VCAN: variants seen among roughly 807,000 people sequenced by gnomAD.
VCAN encodes the protein versican core protein.
Under a neutral mutation model 245.5 loss-of-function variants are expected in VCAN, and 44 were observed. The observed-to-expected ratio is 0.18, with a 90% confidence interval of 0.14 to 0.23. The LOEUF is 0.23. VCAN is among the 10% of genes least tolerant of loss of function. The pLI is 1.00. For synonymous variants in VCAN, 1,413 were observed against 1,437.0 expected, an observed-to-expected ratio of 0.98 and a Z score of 0.38; for missense variants, 3,793 against 4,057.9, an observed-to-expected ratio of 0.93 and a Z score of 1.77.
chr5:83,493,574 C>A lies in VCAN; in HGVS notation c.474C>A (p.Thr158=). Residue 158 remains threonine (T), a synonymous_variant, in exon 4 of 15, where the codon ACC becomes ACA. Coordinates refer to ENST00000265077, the MANE Select transcript of VCAN (RefSeq NM_004385.5). ...DGVVFHYRAA[T]SRYTLNFEAA... Reference sequence around the variant, plus strand: ...TTGTGTTTCACTACAGGGCGGCAACCAGCAGGTACACACTGAATTTTGAGG... The same window carrying A: ...TTGTGTTTCACTACAGGGCGGCAACAAGCAGGTACACACTGAATTTTGAGG... 6.2e-7 allele frequency: 1 copy of A among 1,613,640 alleles called. No individual in the cohort carries two copies. Among genetic ancestry groups the A allele is most frequent in the African/African-American group, 1.3e-5 (1 of 74,992 alleles).
rs753892240 is a variant in VCAN at position 83,538,622 on chromosome 5, T to A, written c.5619T>A (p.His1873Gln). The A allele has an allele frequency of 1.2e-6, 2 of 1,614,090 alleles. No individual in the cohort carries two copies. Among genetic ancestry groups the A allele is most frequent in the Middle Eastern group, 3.3e-4 (2 of 6,060 alleles). Reference sequence around the variant, plus strand: ...AAGTAGCTGGCACTTTGTCTCCGCATGTGGAAACTACATTCTCCACTGAGC... The same window carrying A: ...AAGTAGCTGGCACTTTGTCTCCGCAAGTGGAAACTACATTCTCCACTGAGC... ...EKEVAGTLSP[H>Q]VETTFSTEPT... Residue 1873 changes from histidine (H) to glutamine (Q), a missense_variant, in exon 8 of 15, where the codon CAT becomes CAA. Around this residue, in one of 5 missense-constraint regions of VCAN, gnomAD observed 3,182 missense variants for 3,250.3 expected, o/e 0.98. Transcript: ENST00000265077.
rs766462348 is a variant in VCAN at position 83,539,283 on chromosome 5, C to G, written c.6280C>G (p.Pro2094Ala). Residue 2094 changes from proline to alanine, a missense_variant, in exon 8 of 15, where the codon CCA (proline) becomes GCA (alanine). Physicochemically the swap from Pro to Ala is conservative, Grantham distance 27 (BLOSUM62 -1). Transcript: ENST00000265077. ...VSTNFPQTIE[P>A]AKLWSRQEVN... is the part of the protein sequence containing the mutation. The stretch of plus-strand genomic sequence containing the variant: ...AACAAACTTTCCCCAAACTATAGAG[C>G]CAGCCAAATTATGGTCTAGGCAAGA... 6 of 1,613,892 alleles carry G rather than the reference C, an allele frequency of 3.7e-6. No individual in the cohort carries two copies. The highest frequency in any genetic ancestry group is 8.5e-7 in the Non-Finnish European group (1 of 1,179,966).
chr5:83,481,151 A>G (rs141565658), intron 1 of VCAN, among the ~76,000 whole-genome samples: 1 of 152,120 alleles, frequency 6.6e-6, no homozygotes, highest in African/African-American at 2.4e-5. Context: ...ATTTCCTGGA[A>G]AAAAAGAAAA....
chr5:83,507,650 C>T (rs1423115584), intron 5 of VCAN, among the ~76,000 whole-genome samples: 1 of 152,158 alleles, frequency 6.6e-6, no homozygotes, highest in African/African-American at 2.4e-5. Context: ...GGCTTTGCCT[C>T]TAGGCATTAG....
chr5:83,566,938 T>G (rs1748102204), intron 12 of VCAN, among the ~76,000 whole-genome samples: 1 of 152,230 alleles, frequency 6.6e-6, no homozygotes, highest in Non-Finnish European at 1.5e-5. Context: ...TGGTTCACAA[T>G]GAGTTCTCTA....
At chr5:83,578,159 G>T (rs937389742) in intron 13 of VCAN, among the ~76,000 whole-genome samples, 3 of 152,060 alleles carry the variant, frequency 2.0e-5, no homozygotes, top group Non-Finnish European at 2.9e-5. Context: ...CCATAAAAAG[G>T]AATGAGATCA....
At chr5:83,500,617 G>A (rs956438856) in intron 5 of VCAN, among the ~76,000 whole-genome samples, 1 of 152,072 alleles carries the variant, frequency 6.6e-6, no homozygotes, top group Non-Finnish European at 1.5e-5. Flanking sequence ...GAAAACTGAG[G>A]CACAGACAGG....
rs752716794 is a variant in VCAN, at chr5:83,580,340, A to G, written c.10097A>G (p.Tyr3366Cys). The change falls in exon 15 of 15, where the codon TAC becomes TGC. Residue 3366 changes from tyrosine to cysteine, a missense_variant. Physicochemically the swap from Tyr to Cys is radical, Grantham distance 194. Coordinates refer to ENST00000265077, the MANE Select transcript of VCAN (RefSeq NM_004385.5). Reference protein sequence around the residue: ...SAYQRTYSMKYFKNSSSAKDN... With the variant: ...SAYQRTYSMKCFKNSSSAKDN... ...TACCAAAGGACTTATTCTATGAAAT[A>G]CTTTAAAAATTCCTCATCAGCAAAG... 1 of 1,613,970 alleles carries G rather than the reference A, an allele frequency of 6.2e-7. No homozygotes were observed. Among genetic ancestry groups the G allele is most frequent in the East Asian group, 2.2e-5 (1 of 44,870 alleles).
At chr5:83,514,433 T>TGC (rs1745776093) in intron 6 of VCAN, among the ~76,000 whole-genome samples, 1 of 150,612 alleles carries the variant, frequency 6.6e-6, no homozygotes, top group South Asian at 2.1e-4. Context: ...TGTATATGTG[T>TGC]GTGTGTGTGT....
At chr5:83,533,759 G>C (rs530122445) in intron 7 of VCAN, among the ~76,000 whole-genome samples, 1 of 152,196 alleles carries the variant, frequency 6.6e-6, no homozygotes, top group African/African-American at 2.4e-5. Context: ...TTTTTGGTGA[G>C]AAATTCTGAT....
intron 13 of VCAN, among the ~76,000 whole-genome samples, chr5:83,579,008 G>A (rs1166126020): frequency 6.6e-6 from 1 of 151,826 alleles, no homozygotes; most frequent in Non-Finnish European, 1.5e-5. Flanking sequence ...TAAAATGATG[G>A]TTAAGAATTC....
chr5:83,478,842 T>C lies in VCAN; in HGVS notation c.-6-4671T>C, dbSNP rs1375641228. Among the ~76,000 whole-genome samples the C allele has an allele frequency of 2.0e-5, 3 of 152,128 alleles. No homozygotes were observed. The East Asian group carries it at 5.8e-4, about 29-fold the overall frequency. On this transcript the variant is annotated intron_variant, in intron 1 of 14. Transcript: ENST00000265077. ...GACTGCTCTGTTGGAACTTTTACTA[T>C]GGTAGGTAGAGAAAGGCAATTCCCA...
In VCAN at chr5:83,580,417, C is replaced by CAGG. The variant is rs1349423243; in HGVS notation, c.10177_10179dup (p.Glu3393dup). 3 of 1,613,770 alleles carry CAGG rather than the reference C, an allele frequency of 1.9e-6. No individual in the cohort carries two copies. The highest frequency in any genetic ancestry group is 2.5e-6 in the Non-Finnish European group (3 of 1,179,880). On this transcript the variant is annotated inframe_insertion, in exon 15 of 15. Coordinates refer to ENST00000265077, the MANE Select transcript of VCAN (RefSeq NM_004385.5). ...TGATCATCGTTGGAGCCGGAGGTGGCAGGAGTCGAGGCGCTGATCCCTAAA... is the reference window on the plus strand; with the variant it reads ...TGATCATCGTTGGAGCCGGAGGTGGCAGGAGGAGTCGAGGCGCTGATCCCTAAA...
intron 7 of VCAN, among the ~76,000 whole-genome samples, chr5:83,523,363 T>G (rs577630538): frequency 6.6e-6 from 1 of 152,080 alleles, no homozygotes; most frequent in African/African-American, 2.4e-5. Context: ...TGAATGAGTA[T>G]TCGTTGTTTT....
rs1374267726 is a variant in VCAN, at chr5:83,519,789, G to T, written c.1483G>T (p.Val495Leu). Reference protein sequence around the residue: ...ESVTQIEQIEVGPLVTSMEIL... With the variant: ...ESVTQIEQIELGPLVTSMEIL... ...GGTTACACAGATTGAACAAATAGAA[G>T]TGGGTCCTTTGGTAACATCTATGGA... Residue 495 changes from valine (V) to leucine (L), a missense_variant, in exon 7 of 15, where the codon GTG becomes TTG. Physicochemically the swap from Val to Leu is conservative, Grantham distance 32 (BLOSUM62 1). Coordinates refer to ENST00000265077, the MANE Select transcript of VCAN (RefSeq NM_004385.5). The T allele has an allele frequency of 1.9e-6, 3 of 1,614,032 alleles. No homozygotes were observed. The highest frequency in any genetic ancestry group is 3.3e-5 in the Admixed American group (2 of 59,994).
chr5:83,500,314 A>G (rs1445296939), intron 5 of VCAN, among the ~76,000 whole-genome samples: 1 of 152,146 alleles, frequency 6.6e-6, no homozygotes, highest in Non-Finnish European at 1.5e-5. Flanking sequence ...GTAGCTTCCT[A>G]TATAGACTTT....
intron 5 of VCAN, among the ~76,000 whole-genome samples, chr5:83,501,360 T>C (rs1228485504): frequency 6.6e-6 from 1 of 152,188 alleles, no homozygotes; most frequent in Non-Finnish European, 1.5e-5. Flanking sequence ...GTGTCATATC[T>C]AAGAAAACAT....
chr5:83,548,497 G>A (rs1319201846), intron 10 of VCAN, among the ~76,000 whole-genome samples: 2 of 152,136 alleles, frequency 1.3e-5, no homozygotes, highest in African/African-American at 4.8e-5. Flanking sequence ...AGTTGATATA[G>A]TTGTTAGAAT....
rs377044108 is a variant in VCAN at position 83,541,451 on chromosome 5, A to T, written c.8448A>T (p.Thr2816=). ...CTGATACAACATTAGCAGTTTCAACATTTGCGAAGTTGTCTTCTCAGACAC... is the reference window on the plus strand; with the variant it reads ...CTGATACAACATTAGCAGTTTCAACTTTTGCGAAGTTGTCTTCTCAGACAC... ...YYTDTTLAVS[T]FAKLSSQTPS... Residue 2816 remains threonine (T), a synonymous_variant, in exon 8 of 15, where the codon ACA becomes ACT. Coordinates refer to ENST00000265077, the MANE Select transcript of VCAN (RefSeq NM_004385.5). The T allele has an allele frequency of 1.4e-4, 227 of 1,613,926 alleles. 1 individual carries two copies. Among genetic ancestry groups the T allele is most frequent in the Non-Finnish European group, 1.8e-4 (212 of 1,179,998 alleles).
Sources: gnomAD v4.1 joint callset for allele counts (sites outside exome capture counted in the v4.1 genomes callset) on GRCh38, gnomAD v4.1.1 for gene constraint, gnomAD v4.1.1 regional missense constraint, MANE v1.5 for transcripts, NCBI Gene and HGNC (gene_info 2026-07-23, HGNC 2026-07-21) for gene names.